The following TXNRD1 variants were observed in gnomAD, a reference collection of about 807,000 sequenced individuals.
TXNRD1 encodes thioredoxin reductase 1, also known as thioredoxin reductase 1, cytoplasmic.
A neutral mutation model predicts 80.3 loss-of-function variants in TXNRD1; 57 were observed. The ratio of observed to expected loss-of-function variants is 0.71; its 90% confidence interval spans 0.57 to 0.89. TXNRD1 has a LOEUF of 0.89. TXNRD1 is among the 40% of genes least tolerant of loss of function. TXNRD1 has a pLI of 0.00. For missense variants in TXNRD1, 730 were observed against 803.0 expected (o/e 0.91, Z 1.10); for synonymous variants, 291 against 285.2 (o/e 1.02, Z -0.20).
intron 4 of TXNRD1, among the ~76,000 whole-genome samples, chr12:104,294,233 G>GGCGCCCCCCCCC (rs60817773): frequency 1.5e-5 from 1 of 68,880 alleles, no homozygotes. Flanking sequence ...CCGGGGAAAG[G>GGCGCCCCCCCCC]CCCCCCCCCC....
chr12:104,303,099 T>C (rs1414132708), intron 4 of TXNRD1, among the ~76,000 whole-genome samples: 1 of 152,160 alleles, frequency 6.6e-6, no homozygotes, highest in African/African-American at 2.4e-5. Context: ...CTTCCACTCC[T>C]GGGTAGTGGA....
At chr12:104,288,376 C>T (rs919324537) in intron 3 of TXNRD1, among the ~76,000 whole-genome samples, 11 of 152,154 alleles carry the variant, frequency 7.2e-5, no homozygotes, top group African/African-American at 2.4e-4. Flanking sequence ...CCATTAGTGC[C>T]TAGTTTCATC....
At chr12:104,325,475 A>T (rs759798930) in intron 11 of TXNRD1, 46 bp downstream of exon 11, 1 of 1,357,668 alleles carries the variant, frequency 7.4e-7, no homozygotes, top group African/African-American at 1.4e-5. Context: ...AGCAAATAAC[A>T]TGCTTATTGG....
At chr12:104,279,812 C>A (rs1010541054) in intron 3 of TXNRD1, among the ~76,000 whole-genome samples, 4 of 152,194 alleles carry the variant, frequency 2.6e-5, no homozygotes, top group Non-Finnish European at 5.9e-5. Context: ...CCCCTGTAAT[C>A]CCAGCACTTT....
At position 104,326,428 on chromosome 12, in the gene TXNRD1, GAAAA is replaced by G. The variant is rs373675621; in HGVS notation, c.1385+9_1385+12del. 1.8e-5 allele frequency: 21 copies of G among 1,138,958 alleles called. 1 individual carries two copies. The African/African-American group carries it at 2.1e-4, about 11-fold the overall frequency. The allele number at this position is 1,138,958 out of a possible 1,614,324, so 70.6% of individuals were successfully genotyped here. Reference sequence around the variant, plus strand: ...AGGGGTGAAGATAAATGAAAAGTAAGAAAAAAATCTTTATTATGTCATATTTGTG... The same window carrying G: ...AGGGGTGAAGATAAATGAAAAGTAAGAAATCTTTATTATGTCATATTTGTG... On this transcript the variant is annotated splice_donor_region_variant and intron_variant, in intron 12 of 16. Coordinates refer to ENST00000525566, the MANE Select transcript of TXNRD1 (RefSeq NM_001093771.3).
rs566790800 is a variant in TXNRD1 at position 104,348,607 on chromosome 12, A to G, written c.*186A>G. ...GTGAATAGAAGGCAGGCAGCATCAC[A>G]CTGGGGTCACTGACAGACTTGAAGC... On this transcript the variant is annotated 3_prime_UTR_variant, in exon 17 of 17. Coordinates refer to ENST00000525566, the MANE Select transcript of TXNRD1 (RefSeq NM_001093771.3). The G allele has an allele frequency of 1.0e-5, 6 of 580,188 alleles. No homozygotes were observed. The East Asian group carries it at 1.4e-4, about 14-fold the overall frequency. 35.9% of individuals were successfully genotyped at this position (580,188 alleles called of 1,614,324 possible). A position where few individuals can be genotyped will look rare whatever the true frequency, so the allele number is the denominator to read the frequency against.
chr12:104,254,161 T>C (rs936898857), intron 2 of TXNRD1, among the ~76,000 whole-genome samples: 1 of 152,166 alleles, frequency 6.6e-6, no homozygotes, highest in African/African-American at 2.4e-5. Context: ...ATCTGTAAAA[T>C]GTGGATGATA....
chr12:104,261,455 G>A (rs2033367375), intron 3 of TXNRD1, among the ~76,000 whole-genome samples: 1 of 152,114 alleles, frequency 6.6e-6, no homozygotes, highest in Non-Finnish European at 1.5e-5. Flanking sequence ...GAGCCACCAT[G>A]CCCGTCCCCC....
chr12:104,325,359 C>T lies in TXNRD1; in HGVS notation c.1238C>T (p.Thr413Ile). ...CAGGTTGAACAAATTGAAGCAGGGA[C>T]ACCAGGCCGACTCAGAGTAGTAGCT... ...PIKVEQIEAG[T>I]PGRLRVVAQS... The change falls in exon 11 of 17, where the codon ACA (threonine) becomes ATA (isoleucine). Residue 413 changes from threonine (T) to isoleucine (I), a missense_variant. Coordinates refer to ENST00000525566, the MANE Select transcript of TXNRD1 (RefSeq NM_001093771.3). The T allele has an allele frequency of 6.2e-7, 1 of 1,613,210 alleles. No homozygotes were observed.
chr12:104,259,259 T>C (rs1353716609), intron 3 of TXNRD1, among the ~76,000 whole-genome samples: 1 of 151,810 alleles, frequency 6.6e-6, no homozygotes, highest in African/African-American at 2.4e-5. Flanking sequence ...TGTGCACCTG[T>C]AGTCCCAGCT....
intron 1 of TXNRD1, among the ~76,000 whole-genome samples, chr12:104,242,334 G>A (rs1565858937): frequency 6.6e-6 from 1 of 151,872 alleles, no homozygotes; most frequent in Non-Finnish European, 1.5e-5. Context: ...TGGATCATGA[G>A]GTCAGGAGTT....
intron 1 of TXNRD1, among the ~76,000 whole-genome samples, chr12:104,226,307 G>A (rs1179080150): frequency 1.3e-5 from 2 of 152,226 alleles, no homozygotes; most frequent in Admixed American, 1.3e-4. Context: ...AGCCAAAAAT[G>A]TCTAGCTTAG....
At chr12:104,322,374 C>CTTTTTTTTT (rs58288808) in intron 10 of TXNRD1, among the ~76,000 whole-genome samples, 2 of 61,542 alleles carry the variant, frequency 3.2e-5, no homozygotes, top group Admixed American at 2.1e-4. Flanking sequence ...TTATTTTTAC[C>CTTTTTTTTT]TTTTTTTTTT....
At chr12:104,294,134 C>G (rs79089789) in intron 4 of TXNRD1, among the ~76,000 whole-genome samples, 1 of 150,544 alleles carries the variant, frequency 6.6e-6, no homozygotes, top group Non-Finnish European at 1.5e-5. Flanking sequence ...CACAGGGAGA[C>G]GGTTAGGCCT....
At chr12:104,267,735 C>CTTTTTCTTTCTTT (rs2033560819) in intron 3 of TXNRD1, among the ~76,000 whole-genome samples, 1 of 135,054 alleles carries the variant, frequency 7.4e-6, no homozygotes, top group Admixed American at 8.1e-5. Flanking sequence ...TTCTTTCTTT[C>CTTTTTCTTTCTTT]CTTTCTTCCT....
At chr12:104,251,428 A>T in intron 1 of TXNRD1, 99 bp from the exon 2 acceptor site, 1 of 1,273,642 alleles carries the variant, frequency 7.9e-7, no homozygotes, top group South Asian at 1.3e-5. Flanking sequence ...GGCCTGTGGG[A>T]CTTAAATGGT....
chr12:104,329,972 G>T (rs2035894757), intron 13 of TXNRD1, among the ~76,000 whole-genome samples: 1 of 152,164 alleles, frequency 6.6e-6, no homozygotes, highest in South Asian at 2.1e-4. Flanking sequence ...CTGCCTCTTG[G>T]TCGATGTCTT....
chr12:104,347,490 C>A (rs1351081483), intron 16 of TXNRD1, among the ~76,000 whole-genome samples: 3 of 152,184 alleles, frequency 2.0e-5, no homozygotes, highest in African/African-American at 7.2e-5. Flanking sequence ...ACAAGGAGAA[C>A]TTGTTAGTCA....
intron 1 of TXNRD1, among the ~76,000 whole-genome samples, chr12:104,248,430 G>A (rs111772358): frequency 0.048 from 7,312 of 152,078 alleles, 193 homozygotes; most frequent in Non-Finnish European, 0.054. Flanking sequence ...GATTACAGGC[G>A]CGTGCCACAA....
Sources: gnomAD v4.1 joint callset for allele counts (sites outside exome capture counted in the v4.1 genomes callset) on GRCh38, gnomAD v4.1.1 for gene constraint, MANE v1.5 for transcripts, NCBI Gene and HGNC (gene_info 2026-07-23, HGNC 2026-07-21) for gene names.